The following KIF1B variants were observed in gnomAD, a reference collection of about 807,000 sequenced individuals.
The protein encoded by KIF1B is kinesin-like protein KIF1B.
Under a neutral mutation model 241.9 loss-of-function variants are expected in KIF1B, and 76 were observed. The observed-to-expected ratio is 0.31, with a 90% CI of 0.26 to 0.38. The LOEUF (loss-of-function observed/expected upper bound fraction) is 0.38. Ranked by LOEUF, KIF1B falls within the 10% of genes least tolerant of loss-of-function variation. The probability of loss-of-function intolerance (pLI) is 1.00; values close to 1 mark genes in which losing one functional copy is unlikely to be tolerated. For synonymous variants in KIF1B, 750 were observed against 796.7 expected, an observed-to-expected ratio of 0.94 and a Z score of 0.99; for missense variants, 1,622 against 2,271.4, an observed-to-expected ratio of 0.71 and a Z score of 5.81.
chr1:10,357,536 C>A (rs1254632765), intron 38 of KIF1B, among the ~76,000 whole-genome samples: 1 of 152,038 alleles, frequency 6.6e-6, no homozygotes, highest in Non-Finnish European at 1.5e-5. Context: ...GAGTTCAAGA[C>A]CTGCCTGGGC....
chr1:10,331,622 G>C (rs1651924273), intron 27 of KIF1B, among the ~76,000 whole-genome samples: 1 of 152,176 alleles, frequency 6.6e-6, no homozygotes, highest in Non-Finnish European at 1.5e-5. Flanking sequence ...CAAATACCCA[G>C]TCTATCCTCC....
In KIF1B at chr1:10,297,081, A is replaced by G; in HGVS notation, c.2042+4A>G. On this transcript the variant is annotated splice_donor_region_variant and intron_variant, in intron 21 of 48. Transcript: ENST00000676179. ...TGAAACAAGAGATGGAGAAAAGGTA[A>G]TGCACAGTTACGCAGCCCATATGAC... 3.1e-6 allele frequency: 5 copies of G among 1,614,062 alleles called. No homozygotes were observed. The highest frequency in any genetic ancestry group is 4.2e-6 in the Non-Finnish European group (5 of 1,179,976).
At chr1:10,260,887 C>G (rs1648098458) in intron 4 of KIF1B, among the ~76,000 whole-genome samples, 1 of 151,184 alleles carries the variant, frequency 6.6e-6, no homozygotes, top group Admixed American at 6.6e-5. Context: ...AAAAAGAAAC[C>G]ACACACACAC....
rs1646889902 is a variant in KIF1B at position 10,224,805 on chromosome 1, A to AGTT, written c.-79-7445_-79-7444insGTT. On this transcript the variant is annotated intron_variant, in intron 1 of 48. Transcript: ENST00000676179. ...AAATAGGAATTCAACCAAAAAAAAT[A>AGTT]ACTATTGTATTCAAGACCCATCCTG... Among the ~76,000 whole-genome samples the AGTT allele has an allele frequency of 5.9e-5, 9 of 152,278 alleles. No homozygotes were observed. In the South Asian group the frequency reaches 1.9e-3, roughly 32 times the overall value.
intron 2 of KIF1B, among the ~76,000 whole-genome samples, chr1:10,254,747 G>A (rs945805274): frequency 6.6e-6 from 1 of 151,568 alleles, no homozygotes; most frequent in Admixed American, 6.6e-5. Flanking sequence ...CGTGGTGGCG[G>A]GCGCCTGTAG....
rs190975450 is a variant in KIF1B at position 10,295,219 on chromosome 1, T to C, written c.1670+54T>C. 7.0e-4 allele frequency: 746 copies of C among 1,058,416 alleles called. 5 individuals carry two copies. The African/African-American group carries it at 9.9e-3, about 14-fold the overall frequency. The allele number at this position is 1,058,416 out of a possible 1,614,324, so 65.6% of individuals were successfully genotyped here. A position where few individuals can be genotyped will look rare whatever the true frequency, so the allele number is the denominator to read the frequency against. Reference sequence around the variant, plus strand: ...CGTGTGTTTTCCCCCTCTTAGATAATTGAATAACTAAAGGGAAGGGGTTGA... The same window carrying C: ...CGTGTGTTTTCCCCCTCTTAGATAACTGAATAACTAAAGGGAAGGGGTTGA... On this transcript the variant is annotated intron_variant, in intron 18 of 48. Coordinates refer to ENST00000676179, the MANE Select transcript of KIF1B (RefSeq NM_001365951.3).
At chr1:10,315,101 T>C (rs1366028080) in intron 22 of KIF1B, among the ~76,000 whole-genome samples, 1 of 150,948 alleles carries the variant, frequency 6.6e-6, no homozygotes, top group African/African-American at 2.5e-5. Flanking sequence ...CTGAATTATG[T>C]GAAAATTATA....
intron 2 of KIF1B, among the ~76,000 whole-genome samples, chr1:10,239,950 T>C (rs566110958): frequency 2.0e-5 from 3 of 151,770 alleles, no homozygotes; most frequent in Non-Finnish European, 4.4e-5. Flanking sequence ...GTATTTTTAG[T>C]AGAGATGGGG....
chr1:10,314,418 T>G lies in KIF1B; in HGVS notation c.2116-5625T>G, dbSNP rs563168074. The stretch of plus-strand genomic sequence containing the variant: ...AATGCAGTTAAAGTTTTTTGTTTGT[T>G]TGTTTTTGTTGTTGTTTTTGAGATG... On this transcript the variant is annotated intron_variant, in intron 22 of 48. Coordinates refer to ENST00000676179, the MANE Select transcript of KIF1B (RefSeq NM_001365951.3). Among the ~76,000 whole-genome samples, 11 of 151,406 alleles carry G rather than the reference T, an allele frequency of 7.3e-5. No individual in the cohort carries two copies. The East Asian group carries it at 2.1e-3, about 29-fold the overall frequency.
At chr1:10,279,030 CCTCT>C in intron 13 of KIF1B, 63 bp from the exon 14 acceptor site, 1 of 1,172,812 alleles carries the variant, frequency 8.5e-7, no homozygotes, top group Non-Finnish European at 1.2e-6. Context: ...TGCTCTGTTC[CCTCT>C]CTGTGTCACT....
At chr1:10,360,668 G>C (rs1638396194) in intron 38 of KIF1B, among the ~76,000 whole-genome samples, 1 of 143,930 alleles carries the variant, frequency 6.9e-6, no homozygotes, top group Non-Finnish European at 1.5e-5. Flanking sequence ...ATGGGCAACA[G>C]AGCAAAATTC....
At chr1:10,229,867 C>CAAAAAAAA (rs58923572) in intron 1 of KIF1B, among the ~76,000 whole-genome samples, 5 of 56,472 alleles carry the variant, frequency 8.9e-5, no homozygotes, top group Non-Finnish European at 1.2e-4. Flanking sequence ...GACTCCGTCT[C>CAAAAAAAA]AAAAAAAAAA....
intron 1 of KIF1B, among the ~76,000 whole-genome samples, chr1:10,225,495 AT>A (rs1222794989): frequency 6.6e-6 from 1 of 152,182 alleles, no homozygotes; most frequent in Non-Finnish European, 1.5e-5. Context: ...AAAAAAAGTA[AT>A]TTATTCTGCC....
chr1:10,259,088 CT>C (rs1294552976), intron 4 of KIF1B, among the ~76,000 whole-genome samples: 1 of 148,618 alleles, frequency 6.7e-6, no homozygotes. Context: ...TTCGGAGATA[CT>C]TTCATTTTAT....
chr1:10,278,955 A>G, intron 13 of KIF1B, 142 bp from the exon 14 acceptor site: 1 of 534,680 alleles, frequency 1.9e-6, no homozygotes, highest in Non-Finnish European at 3.5e-6. Flanking sequence ...TTAGATGAAT[A>G]CCGTTTGTAA....
chr1:10,307,050 A>C, intron 22 of KIF1B: 1 of 1,039,076 alleles, frequency 9.6e-7, no homozygotes, highest in Non-Finnish European at 1.2e-6. Context: ...TTTGTGCTTC[A>C]TCTGTTAATC....
chr1:10,269,588 G>A (rs1426193057), intron 7 of KIF1B, among the ~76,000 whole-genome samples: 1 of 151,242 alleles, frequency 6.6e-6, no homozygotes, highest in Non-Finnish European at 1.5e-5. Flanking sequence ...GGGAGGCTGA[G>A]GCGGGTGGAT....
chr1:10,211,796 ATCT>A (rs1646697031), intron 1 of KIF1B: 2 of 149,882 alleles, frequency 1.3e-5, no homozygotes, highest in African/African-American at 2.5e-5. Context: ...TTCTCTATTC[ATCT>A]TCTGCGTCCA....
chr1:10,360,485 G>A (rs755250293), intron 38 of KIF1B, among the ~76,000 whole-genome samples: 2 of 152,060 alleles, frequency 1.3e-5, no homozygotes, highest in Non-Finnish European at 2.9e-5. Context: ...AGGAGTTCGA[G>A]ACCAGCCTGA....
Sources: allele counts gnomAD v4.1 joint callset (sites outside exome capture counted in the v4.1 genomes callset), GRCh38; gene constraint gnomAD v4.1.1; transcripts MANE v1.5; gene names NCBI Gene and HGNC (gene_info 2026-07-23, HGNC 2026-07-21).